ADAMTSL1: variants seen among roughly 807,000 people sequenced by gnomAD.
ADAMTSL1 encodes the protein ADAMTS-like protein 1.
A neutral mutation model predicts 201.8 loss-of-function variants in ADAMTSL1; 126 were observed. The observed-to-expected ratio is 0.62, with a 90% CI of 0.54 to 0.72. The LOEUF is 0.72. Among genes scored for constraint, ADAMTSL1 ranks in the 30% least tolerant of loss-of-function variants. The pLI is 0.00. For missense variants in ADAMTSL1, 2,679 were observed against 2,277.8 expected (o/e 1.18, Z -3.59); for synonymous variants, 1,121 against 903.4 (o/e 1.24, Z -4.32).
At position 18,775,895 on chromosome 9, in the gene ADAMTSL1, A is replaced by T; in HGVS notation, c.2550A>T (p.Ala850=). Residue 850 remains alanine, a splice_region_variant and synonymous_variant, in exon 18 of 29, where the codon GCA becomes GCT. Coordinates refer to ENST00000380548, the MANE Select transcript of ADAMTSL1 (RefSeq NM_001040272.6). ...SIRPCMLATC[A]RPGRPSTKHS... is the part of the protein sequence containing the mutation. ...GGCCCTGTATGCTGGCAACCTGTGCAAGTAAGTATGTCAGGGCTCTGGGAA... is the reference window on the plus strand; with the variant it reads ...GGCCCTGTATGCTGGCAACCTGTGCTAGTAAGTATGTCAGGGCTCTGGGAA... 1 of 1,591,070 alleles carries T rather than the reference A, an allele frequency of 6.3e-7. No individual in the cohort carries two copies. The highest frequency in any genetic ancestry group is 8.6e-7 in the Non-Finnish European group (1 of 1,167,842).
chr9:18,075,524 A>G (rs1340388609), intron 1 of ADAMTSL1, among the ~76,000 whole-genome samples: 3 of 152,208 alleles, frequency 2.0e-5, no homozygotes, highest in Non-Finnish European at 4.4e-5. Context: ...TTTCAATATA[A>G]AAGTTTTATA....
chr9:18,187,310 A>C (rs1028567407), intron 2 of ADAMTSL1, among the ~76,000 whole-genome samples: 1 of 152,168 alleles, frequency 6.6e-6, no homozygotes, highest in Non-Finnish European at 1.5e-5. Flanking sequence ...CCTGAAGCTA[A>C]ATAACTCCTA....
chr9:18,091,456 T>G (rs1007818900), intron 1 of ADAMTSL1, among the ~76,000 whole-genome samples: 1 of 152,096 alleles, frequency 6.6e-6, no homozygotes, highest in African/African-American at 2.4e-5. Context: ...TTCTGCGATC[T>G]CTGAATGTGG....
chr9:18,440,463 C>T (rs970356100), intron 2 of ADAMTSL1, among the ~76,000 whole-genome samples: 1 of 151,460 alleles, frequency 6.6e-6, no homozygotes, highest in African/African-American at 2.4e-5. Context: ...ATTCAATAAG[C>T]ACAAGACACT....
Position 18,448,027 on chromosome 9 carries a change from TTC to T in ADAMTSL1, c.208-56780_208-56779del, listed in dbSNP as rs10557934. 8.0e-3 allele frequency among the ~76,000 whole-genome samples: 1,181 copies of T among 147,460 alleles called. 1 individual carries two copies. The highest frequency in any genetic ancestry group is 9.2e-3 in the African/African-American group (374 of 40,688). On this transcript the variant is annotated intron_variant, in intron 2 of 29. Transcript: ENST00000680146. ...TTGTGTGCGTGCTCGCTCTCGCTCT[TTC>T]TCTCTCTCTCTCTCTCTCTCTGCCA...
chr9:18,632,508 T>A (rs1229014943), intron 5 of ADAMTSL1, among the ~76,000 whole-genome samples: 1 of 152,170 alleles, frequency 6.6e-6, no homozygotes, highest in African/African-American at 2.4e-5. Context: ...AAAAAATGAA[T>A]GAATATGCTT....
chr9:18,512,577 G>A lies in ADAMTSL1; in HGVS notation c.191+7621G>A, dbSNP rs183550353. Among the ~76,000 whole-genome samples, 1,031 of 152,092 alleles carry A rather than the reference G, an allele frequency of 6.8e-3. 14 individuals are homozygous for A. Among genetic ancestry groups the A allele is most frequent in the African/African-American group, 0.023 (969 of 41,498 alleles). On this transcript the variant is annotated intron_variant, in intron 2 of 28. Transcript: ENST00000380548. ...AAGCAAATTGGTAGGTATAATTAAG[G>A]ATAGAAATCCCAAAGGGCCAGAGTC...
At chr9:18,816,720 CTTTTTTT>C (rs751791974) in intron 20 of ADAMTSL1, among the ~76,000 whole-genome samples, 11 of 39,754 alleles carry the variant, frequency 2.8e-4, no homozygotes, top group South Asian at 3.0e-3. Context: ...AACCCTTGGT[CTTTTTTT>C]TTTTTTTTTT....
At chr9:18,330,861 A>G (rs1032482583) in intron 2 of ADAMTSL1, among the ~76,000 whole-genome samples, 6 of 152,192 alleles carry the variant, frequency 3.9e-5, no homozygotes, top group African/African-American at 1.2e-4. Flanking sequence ...ATTAACTGTT[A>G]TTTACTGAGC....
chr9:18,811,663 A>G (rs1823515935), intron 20 of ADAMTSL1, among the ~76,000 whole-genome samples: 1 of 152,182 alleles, frequency 6.6e-6, no homozygotes, highest in Non-Finnish European at 1.5e-5. Context: ...TCTCATAACT[A>G]AAAAAATATA....
At chr9:17,940,400 CTGAT>C (rs1827189153) in intron 1 of ADAMTSL1, among the ~76,000 whole-genome samples, 1 of 152,002 alleles carries the variant, frequency 6.6e-6, no homozygotes, top group Non-Finnish European at 1.5e-5. Flanking sequence ...AATTCAGTAA[CTGAT>C]TGAATTCAAT....
chr9:18,163,425 GC>G (rs1045143770), intron 1 of ADAMTSL1, among the ~76,000 whole-genome samples: 3 of 151,976 alleles, frequency 2.0e-5, no homozygotes, highest in African/African-American at 7.2e-5. Flanking sequence ...CTCAGGCCAG[GC>G]TTTTCTTATG....
At chr9:18,511,754 GGCTTTAGTTA>G (rs930641828) in intron 2 of ADAMTSL1, among the ~76,000 whole-genome samples, 1 of 152,026 alleles carries the variant, frequency 6.6e-6, no homozygotes, top group Non-Finnish European at 1.5e-5. Flanking sequence ...CACTAATATA[GGCTTTAGTTA>G]GCATCTTATT....
rs139472014 is a variant in ADAMTSL1 at position 18,325,640 on chromosome 9, C to G, written c.207+161659C>G. On this transcript the variant is annotated intron_variant, in intron 2 of 29. Transcript: ENST00000680146. ...AAGTCCAAGATCAAGGTGCTAGCCTCTGATCTGGTGAGAGAGTATCCTTGC... is the reference window on the plus strand; with the variant it reads ...AAGTCCAAGATCAAGGTGCTAGCCTGTGATCTGGTGAGAGAGTATCCTTGC... Among the ~76,000 whole-genome samples, 26 of 152,214 alleles carry G rather than the reference C, an allele frequency of 1.7e-4. No individual in the cohort carries two copies. The East Asian group carries it at 5.0e-3, about 29-fold the overall frequency.
Position 18,400,252 on chromosome 9 carries a change from C to G in ADAMTSL1, c.208-104577C>G, listed in dbSNP as rs940223655. On this transcript the variant is annotated intron_variant, in intron 2 of 29. Transcript: ENST00000680146. Reference sequence around the variant, plus strand: ...TGATACTTATTTCTAAGTATGTGGACCATATACTCTGATCACCCTATCATA... The same window carrying G: ...TGATACTTATTTCTAAGTATGTGGAGCATATACTCTGATCACCCTATCATA... 2.8e-5 allele frequency among the ~76,000 whole-genome samples: 4 copies of G among 143,252 alleles called. No individual in the cohort carries two copies. In the East Asian group the frequency reaches 7.9e-4, roughly 28 times the overall value. The allele number at this position is 143,252 out of a possible 152,430, so 94.0% of individuals were successfully genotyped here. A position where few individuals can be genotyped will look rare whatever the true frequency, so the allele number is the denominator to read the frequency against.
At chr9:18,352,233 T>A (rs1643676641) in intron 2 of ADAMTSL1, among the ~76,000 whole-genome samples, 1 of 152,168 alleles carries the variant, frequency 6.6e-6, no homozygotes, top group Admixed American at 6.5e-5. Context: ...CTCTTAACAT[T>A]GTAAGAAGTG....
intron 4 of ADAMTSL1, among the ~76,000 whole-genome samples, chr9:18,621,457 A>G (rs1826026292): frequency 6.6e-6 from 1 of 151,878 alleles, no homozygotes; most frequent in African/African-American, 2.4e-5. Context: ...TTGAGAATGA[A>G]TGAGATATTT....
intron 1 of ADAMTSL1, among the ~76,000 whole-genome samples, chr9:17,907,828 G>A (rs1051009293): frequency 6.6e-6 from 1 of 152,232 alleles, no homozygotes; most frequent in African/African-American, 2.4e-5. Flanking sequence ...TAAAACCCAC[G>A]AATTGGGCAG....
intron 23 of ADAMTSL1, among the ~76,000 whole-genome samples, chr9:18,869,965 T>TG: frequency 6.6e-6 from 1 of 152,234 alleles, no homozygotes; most frequent in Admixed American, 6.5e-5. Context: ...TTTTTCACAA[T>TG]GGATAATTTA....
Sources: gnomAD v4.1 joint callset for allele counts (sites outside exome capture counted in the v4.1 genomes callset) on GRCh38, gnomAD v4.1.1 for gene constraint, MANE v1.5 for transcripts, NCBI Gene and HGNC (gene_info 2026-07-23, HGNC 2026-07-21) for gene names.